Variants in TAB2 observed in about 807,000 individuals in gnomAD.
TAB2 encodes TGF-beta activated kinase 1 (MAP3K7) binding protein 2, also known as TGF-beta-activated kinase 1 and MAP3K7-binding protein 2.
A neutral mutation model predicts 65.0 loss-of-function variants in TAB2; 3 were observed. That is an observed-to-expected ratio of 0.05 (90% CI 0.02 to 0.12). TAB2 has a LOEUF of 0.12. Among genes scored for constraint, TAB2 ranks in the 10% least tolerant of loss-of-function variants. TAB2 has a pLI of 1.00. For synonymous variants in TAB2, 298 were observed against 285.1 expected (o/e 1.05, Z -0.46); for missense variants, 623 against 840.3 (o/e 0.74, Z 3.20).
chr6:149,401,309 T>A (rs1278183242), intron 6 of TAB2: 2 of 166,284 alleles, frequency 1.2e-5, no homozygotes, highest in Admixed American at 6.5e-5. Context: ...AATAATATAC[T>A]ATCTACAAGA....
intron 1 of TAB2, among the ~76,000 whole-genome samples, chr6:149,287,530 T>C (rs1369185198): frequency 6.6e-6 from 1 of 151,576 alleles, no homozygotes; most frequent in East Asian, 1.9e-4. Flanking sequence ...CTTTTTCAAA[T>C]GGTCAATGAA....
intron 1 of TAB2, among the ~76,000 whole-genome samples, chr6:149,267,299 G>T (rs1391584149): frequency 2.6e-5 from 4 of 152,132 alleles, no homozygotes; most frequent in African/African-American, 7.2e-5. Context: ...TCCTCTTCCT[G>T]CTGTCCAGGA....
intron 1 of TAB2, among the ~76,000 whole-genome samples, chr6:149,366,624 T>G (rs1229144500): frequency 2.0e-5 from 3 of 152,188 alleles, no homozygotes; most frequent in East Asian, 1.9e-4. Flanking sequence ...GACCCCTTTT[T>G]CTTCCCTCCA....
chr6:149,315,808 G>C (rs569313978), upstream of TAB2, among the ~76,000 whole-genome samples: 2 of 152,160 alleles, frequency 1.3e-5, no homozygotes, highest in Non-Finnish European at 2.9e-5. Context: ...TGCACTGCTG[G>C]TGCAAGGATG....
chr6:149,231,014 G>A (rs1777393456), intron 1 of TAB2, among the ~76,000 whole-genome samples: 1 of 152,192 alleles, frequency 6.6e-6, no homozygotes. Context: ...TACTGAGCTG[G>A]TCAGCCCACT....
At chr6:149,380,703 A>T (rs1487312943) in intron 3 of TAB2, among the ~76,000 whole-genome samples, 1 of 152,228 alleles carries the variant, frequency 6.6e-6, no homozygotes, top group Non-Finnish European at 1.5e-5. Flanking sequence ...ATGTATCTGC[A>T]GTGAATCATT....
At chr6:149,284,640 C>T (rs925468441) in intron 1 of TAB2, among the ~76,000 whole-genome samples, 9 of 140,130 alleles carry the variant, frequency 6.4e-5, no homozygotes, top group Non-Finnish European at 1.4e-4. Context: ...ACAGAATGAT[C>T]TCTTTACACA....
upstream of TAB2, among the ~76,000 whole-genome samples, chr6:149,315,340 T>C (rs1779230674): frequency 2.0e-5 from 3 of 152,344 alleles, no homozygotes; most frequent in African/African-American, 7.2e-5. Context: ...AAGGTTTAAA[T>C]TGTATCAATC....
At chr6:149,321,890 C>T (rs1390462648) in intron 1 of TAB2, among the ~76,000 whole-genome samples, 1 of 152,122 alleles carries the variant, frequency 6.6e-6, no homozygotes. Flanking sequence ...CACCCCCTTA[C>T]CTTTATGCTT....
At chr6:149,348,496 C>G (rs983853916) in intron 1 of TAB2, among the ~76,000 whole-genome samples, 3 of 151,850 alleles carry the variant, frequency 2.0e-5, no homozygotes, top group Non-Finnish European at 2.9e-5. Context: ...AACGTTCTGC[C>G]GTCCTATTTG....
intron 1 of TAB2, among the ~76,000 whole-genome samples, chr6:149,261,096 G>C (rs1242846870): frequency 6.6e-6 from 1 of 152,166 alleles, no homozygotes; most frequent in Non-Finnish European, 1.5e-5. Context: ...GCCTTTCAGA[G>C]TTCAAGGAAA....
At chr6:149,383,580 C>T (rs534348789) in intron 3 of TAB2, among the ~76,000 whole-genome samples, 1 of 152,180 alleles carries the variant, frequency 6.6e-6, no homozygotes, top group African/African-American at 2.4e-5. Context: ...ACCTATCACC[C>T]AGTAACACAG....
intron 1 of TAB2, among the ~76,000 whole-genome samples, chr6:149,353,234 CTGCTGCTGCTGCTGGATTGCTTT>C (rs1562429956): frequency 6.6e-6 from 1 of 150,468 alleles, no homozygotes; most frequent in Non-Finnish European, 1.5e-5. Context: ...CTGGGTGCTG[CTGCTGCTGCTGCTGGATTGCTTT>C]TGCTGCTGCT....
At chr6:149,264,603 C>G (rs979064941) in intron 1 of TAB2, among the ~76,000 whole-genome samples, 2 of 152,076 alleles carry the variant, frequency 1.3e-5, no homozygotes, top group African/African-American at 4.8e-5. Context: ...AAACAGACAC[C>G]CTACTCTGCT....
chr6:149,385,930 C>T (rs1345887817), intron 3 of TAB2, among the ~76,000 whole-genome samples: 5 of 152,190 alleles, frequency 3.3e-5, no homozygotes, highest in Non-Finnish European at 7.4e-5. Flanking sequence ...TTTGACTTGT[C>T]ACTTCCTCCA....
intron 1 of TAB2, among the ~76,000 whole-genome samples, chr6:149,332,556 G>A (rs1289960022): frequency 6.6e-6 from 1 of 152,148 alleles, no homozygotes; most frequent in African/African-American, 2.4e-5. Flanking sequence ...GCTGTTAACA[G>A]TGGTCATCTA....
chr6:149,348,089 TGTAATTA>T (rs1342328392), intron 1 of TAB2, among the ~76,000 whole-genome samples: 2 of 152,054 alleles, frequency 1.3e-5, no homozygotes, highest in Non-Finnish European at 2.9e-5. Flanking sequence ...AGAGAGAAAT[TGTAATTA>T]GTAATAAGAA....
At chr6:149,354,909 A>T (rs557627831) in intron 1 of TAB2, among the ~76,000 whole-genome samples, 2 of 152,334 alleles carry the variant, frequency 1.3e-5, no homozygotes, top group South Asian at 2.1e-4. Flanking sequence ...TGGCAAATAT[A>T]TATAGTTTTC....
At chr6:149,406,014 T>G (rs909648123) in intron 6 of TAB2, among the ~76,000 whole-genome samples, 4 of 152,204 alleles carry the variant, frequency 2.6e-5, no homozygotes, top group Non-Finnish European at 5.9e-5. Flanking sequence ...AGCTTATAAT[T>G]TTTAACTGTC....
Sources: gnomAD v4.1 joint callset for allele counts (sites outside exome capture counted in the v4.1 genomes callset) on GRCh38, gnomAD v4.1.1 for gene constraint, MANE v1.5 for transcripts, NCBI Gene and HGNC (gene_info 2026-07-23, HGNC 2026-07-21) for gene names.